DYNC1H1: variants seen among roughly 807,000 people sequenced by gnomAD.
The protein encoded by DYNC1H1 is cytoplasmic dynein 1 heavy chain 1.
DYNC1H1 carries 51 observed loss-of-function variants against 527.1 expected under a neutral mutation model. The ratio of observed to expected loss-of-function variants is 0.10; its 90% CI spans 0.08 to 0.12. The LOEUF is 0.12. Among genes scored for constraint, DYNC1H1 ranks in the 10% least tolerant of loss-of-function variants. The pLI is 1.00. For synonymous variants in DYNC1H1, 2,189 were observed against 2,278.8 expected (o/e 0.96, Z 1.12); for missense variants, 2,771 against 5,971.8 (o/e 0.46, Z 17.66).
chr14:101,994,389 A>G (rs2048033585), intron 12 of DYNC1H1, 65 bp downstream of exon 12: 2 of 1,609,920 alleles, frequency 1.2e-6, no homozygotes, highest in Non-Finnish European at 1.7e-6. Flanking sequence ...AGAGTACAAG[A>G]TATAAAGAAC....
In DYNC1H1 at chr14:102,033,478, G is replaced by A; in HGVS notation, c.10407G>A (p.Glu3469=). 2 of 1,614,060 alleles carry A rather than the reference G, an allele frequency of 1.2e-6. No individual in the cohort carries two copies. Among genetic ancestry groups the A allele is most frequent in the Non-Finnish European group, 1.7e-6 (2 of 1,180,030 alleles). ...QAIKADLAAV[E]AKVNRSTALL... is the part of the protein sequence containing the mutation. ...TCAAGGCAGACCTGGCAGCTGTCGAGGCAAAAGTAAGATTATCATCATTGA... is the reference window on the plus strand; with the variant it reads ...TCAAGGCAGACCTGGCAGCTGTCGAAGCAAAAGTAAGATTATCATCATTGA... Residue 3469 remains glutamate (E), a synonymous_variant, in exon 54 of 78, where the codon GAG becomes GAA. Coordinates refer to ENST00000360184, the MANE Select transcript of DYNC1H1 (RefSeq NM_001376.5). This position sits in a 1 kb window ranked among gnomAD's most constrained non-coding sequence, Gnocchi z 5.6.
At chr14:102,004,167 C>G (rs1436086497) in intron 23 of DYNC1H1, among the ~76,000 whole-genome samples, 1 of 151,990 alleles carries the variant, frequency 6.6e-6, no homozygotes, top group Non-Finnish European at 1.5e-5. Flanking sequence ...TGGCGTGAAC[C>G]CGGGAGGCGG....
At chr14:102,025,830 G>T (rs1315358824) in intron 43 of DYNC1H1, among the ~76,000 whole-genome samples, 1 of 152,068 alleles carries the variant, frequency 6.6e-6, no homozygotes, top group African/African-American at 2.4e-5. Flanking sequence ...TAATAGGGCA[G>T]GCCCAGGCCA....
Position 102,011,827 on chromosome 14 carries a change from C to CATT in DYNC1H1, c.6619-47_6619-45dup, listed in dbSNP as rs1567010787. On this transcript the variant is annotated intron_variant, in intron 32 of 77. Transcript: ENST00000360184. The surrounding 1 kb of genome is among the most constrained non-coding windows in gnomAD (Gnocchi z 5.3). The stretch of plus-strand genomic sequence containing the variant: ...AGGTGGCTGGGCGAGGAGCTGTCCC[C>CATT]ATTCCTCCTCTGGGATGGTCACTGT... 1.3e-6 allele frequency: 2 copies of CATT among 1,586,724 alleles called. No homozygotes were observed. The highest frequency in any genetic ancestry group is 1.7e-6 in the Non-Finnish European group (2 of 1,155,422).
chr14:102,018,463 C>A lies in DYNC1H1; in HGVS notation c.8190C>A (p.His2730Gln). 1 of 1,613,664 alleles carries A rather than the reference C, an allele frequency of 6.2e-7. No individual in the cohort carries two copies. The highest frequency in any genetic ancestry group is 8.5e-7 in the Non-Finnish European group (1 of 1,180,016). ...TATCTGTGCACAGGTTCCTGCGCCA[C>A]GTGCCTGTCGTGTATGTGGATTACC... ...RKPLSHRFLR[H>Q]VPVVYVDYPG... The change falls in exon 41 of 78, where the codon CAC becomes CAA. Residue 2730 changes from histidine (H) to glutamine (Q), a missense_variant. Transcript: ENST00000360184. This position sits in a 1 kb window ranked among gnomAD's most constrained non-coding sequence, Gnocchi z 5.2.
At chr14:101,981,541 CTG>C (rs1445035159) in intron 5 of DYNC1H1, among the ~76,000 whole-genome samples, 4 of 152,228 alleles carry the variant, frequency 2.6e-5, no homozygotes, top group Non-Finnish European at 5.9e-5. Context: ...CTGTTCAACT[CTG>C]TGCTCACAAA....
In DYNC1H1 at chr14:102,039,909, C is replaced by T. The variant is rs1029362073; in HGVS notation, c.11690+177C>T. Reference sequence around the variant, plus strand: ...CTGGAGTGCCGTGGTGTAATCTCACCTCACTGCAACCTCCACCTCCCAGGT... The same window carrying T: ...CTGGAGTGCCGTGGTGTAATCTCACTTCACTGCAACCTCCACCTCCCAGGT... On this transcript the variant is annotated intron_variant, in intron 62 of 77. Transcript: ENST00000360184. This position sits in a 1 kb window ranked among gnomAD's most constrained non-coding sequence, Gnocchi z 7.0. Among the ~76,000 whole-genome samples the T allele has an allele frequency of 1.3e-5, 2 of 152,178 alleles. No individual in the cohort carries two copies. Among genetic ancestry groups the T allele is most frequent in the Non-Finnish European group, 2.9e-5 (2 of 68,040 alleles).
rs1166442308 is a variant in DYNC1H1 at position 102,030,524 on chromosome 14, CTT to C, written c.9883+243_9883+244del. The C allele has an allele frequency of 1.5e-5, 8 of 519,796 alleles. No homozygotes were observed. The East Asian group carries it at 2.2e-4, about 14-fold the overall frequency. The allele number at this position is 519,796 out of a possible 1,614,324, so 32.2% of individuals were successfully genotyped here. A position where few individuals can be genotyped will look rare whatever the true frequency, so the allele number is the denominator to read the frequency against. ...AGTGAAACCCCTCTCATAAAAGAAA[CTT>C]CACAATATAAGCTTTGTGTCAATAT... On this transcript the variant is annotated intron_variant, in intron 51 of 77. Coordinates refer to ENST00000360184, the MANE Select transcript of DYNC1H1 (RefSeq NM_001376.5).
Position 102,047,901 on chromosome 14 carries a change from C to G in DYNC1H1, c.13091C>G (p.Thr4364Arg), listed in dbSNP as rs750890352. The G allele has an allele frequency of 1.2e-6, 2 of 1,613,694 alleles. No homozygotes were observed. Among genetic ancestry groups the G allele is most frequent in the Non-Finnish European group, 1.7e-6 (2 of 1,179,994 alleles). Residue 4364 changes from threonine (T) to arginine (R), a missense_variant, in exon 73 of 78, where the codon ACG becomes AGG. Physicochemically the swap from Thr to Arg is moderately conservative, Grantham distance 71. Coordinates refer to ENST00000360184, the MANE Select transcript of DYNC1H1 (RefSeq NM_001376.5). ...GCCTACGCAGAGACTGAGAAGAAGA[C>G]GAGGACAGACTCCACGTCCGACGGG... is the stretch of plus-strand genomic sequence containing the variant. ...DLAYAETEKKTRTDSTSDGRP... is the reference protein window; with the variant it reads ...DLAYAETEKKRRTDSTSDGRP...
Position 102,040,232 on chromosome 14 carries a change from G to T in DYNC1H1, c.11691-4G>T, listed in dbSNP as rs201810550. 8.5e-5 allele frequency: 137 copies of T among 1,614,068 alleles called. No homozygotes were observed. In the East Asian group the frequency reaches 2.5e-3, roughly 30 times the overall value. ...CCCTAGCTAACCTGTTGCACCCTTCGCAGGGAGCCCACCTACGATGCAGAA... is the reference window on the plus strand; with the variant it reads ...CCCTAGCTAACCTGTTGCACCCTTCTCAGGGAGCCCACCTACGATGCAGAA... On this transcript the variant is annotated splice_polypyrimidine_tract_variant and splice_region_variant and intron_variant, in intron 62 of 77. Coordinates refer to ENST00000360184, the MANE Select transcript of DYNC1H1 (RefSeq NM_001376.5).
rs187344035 is a variant in DYNC1H1 at position 102,054,425 on chromosome 14, C to T, written c.*3862C>T. The T allele has an allele frequency of 6.6e-6, 1 of 152,314 alleles. No homozygotes were observed. Among genetic ancestry groups the T allele is most frequent in the Non-Finnish European group, 1.5e-5 (1 of 68,040 alleles). The allele number at this position is 152,314 out of a possible 1,614,324, so 9.4% of individuals were successfully genotyped here. A position where few individuals can be genotyped will look rare whatever the true frequency, so the allele number is the denominator to read the frequency against. On this transcript the variant is annotated 3_prime_UTR_variant, in exon 78 of 78. Coordinates refer to ENST00000360184, the MANE Select transcript of DYNC1H1 (RefSeq NM_001376.5). ...CTGAAATGGGCGTTTAAGTCCGAAC[C>T]TTGTTTTCAAAGGTGCCCATTGCCT...
In DYNC1H1 at chr14:102,042,540, C is replaced by G. The variant is rs1359318321; in HGVS notation, c.12399+33C>G. On this transcript the variant is annotated intron_variant, in intron 68 of 77. Transcript: ENST00000360184. The surrounding 1 kb of genome is among the most constrained non-coding windows in gnomAD (Gnocchi z 5.7). ...GTTGAAGGAGTGGAGACGTTGCAGG[C>G]TGGCCTGGCACTGTGCTGTCGGCAC... The G allele has an allele frequency of 1.2e-6, 2 of 1,613,970 alleles. No homozygotes were observed. The highest frequency in any genetic ancestry group is 1.7e-6 in the Non-Finnish European group (2 of 1,179,954).
chr14:101,968,746 G>C (rs1267392534), intron 1 of DYNC1H1, among the ~76,000 whole-genome samples: 1 of 152,020 alleles, frequency 6.6e-6, no homozygotes, highest in Admixed American at 6.6e-5. Flanking sequence ...ATTTTTTGTA[G>C]AGGCAGGGTC....
Position 101,964,907 on chromosome 14 carries a change from G to A in DYNC1H1, c.216G>A (p.Pro72=), listed in dbSNP as rs763640517. The change falls in exon 1 of 78, where the codon CCG becomes CCA. Residue 72 remains proline (P), a synonymous_variant. Transcript: ENST00000360184. This position sits in a 1 kb window ranked among gnomAD's most constrained non-coding sequence, Gnocchi z 5.5. Reference sequence around the variant, plus strand: ...AGATGCGCAAGTTCCTTTCGGACCCGCAGGTCCACACGGTGCTGGTGGAGC... The same window carrying A: ...AGATGCGCAAGTTCCTTTCGGACCCACAGGTCCACACGGTGCTGGTGGAGC... The part of the protein sequence containing the change: ...LEQMRKFLSD[P]QVHTVLVERS... 1.3e-6 allele frequency: 2 copies of A among 1,599,872 alleles called. No homozygotes were observed. The highest frequency in any genetic ancestry group is 1.7e-6 in the Non-Finnish European group (2 of 1,174,412).
Position 102,039,562 on chromosome 14 carries a change from C to T in DYNC1H1, c.11595+16C>T, listed in dbSNP as rs929463651. On this transcript the variant is annotated intron_variant, in intron 61 of 77. Transcript: ENST00000360184. This position sits in a 1 kb window ranked among gnomAD's most constrained non-coding sequence, Gnocchi z 7.0. ...CCTCTTCCAGGTAGAGTGAGGTCCT[C>T]AGCCGCTCCCTGGCGGGGGGGAAGC... 3 of 1,614,260 alleles carry T rather than the reference C, an allele frequency of 1.9e-6. No homozygotes were observed. Among genetic ancestry groups the T allele is most frequent in the Non-Finnish European group, 1.7e-6 (2 of 1,180,044 alleles).
chr14:102,041,662 A>G lies in DYNC1H1; in HGVS notation c.12030A>G (p.Ser4010=), dbSNP rs1277528255. Residue 4010 remains serine (S), a synonymous_variant, in exon 65 of 78, where the codon TCA becomes TCG. Transcript: ENST00000360184. The surrounding 1 kb of genome is among the most constrained non-coding windows in gnomAD (Gnocchi z 4.5). ...TGGCCATGGCCCACATGTTTGTTTC[A>G]ACAAACCTTGGGGAGTCTTTCATGT... The part of the protein sequence containing the change: ...RLLAMAHMFV[S]TNLGESFMSI... The G allele has an allele frequency of 1.2e-6, 2 of 1,614,058 alleles. No individual in the cohort carries two copies.
chr14:101,975,016 C>T (rs1378720885), intron 1 of DYNC1H1, among the ~76,000 whole-genome samples: 1 of 152,208 alleles, frequency 6.6e-6, no homozygotes, highest in African/African-American at 2.4e-5. Context: ...CTCAGTGACC[C>T]TTGGGATGTT....
rs1253370997 is a variant in DYNC1H1 at position 102,044,150 on chromosome 14, C to G, written c.12684+105C>G. Reference sequence around the variant, plus strand: ...ACTCTGCGTGGAAGAGCGAGCTGACCCCTCGTGACCGCCAAAGCCTAGCTG... The same window carrying G: ...ACTCTGCGTGGAAGAGCGAGCTGACGCCTCGTGACCGCCAAAGCCTAGCTG... On this transcript the variant is annotated intron_variant, in intron 70 of 77. Transcript: ENST00000360184. This position sits in a 1 kb window ranked among gnomAD's most constrained non-coding sequence, Gnocchi z 7.1. The G allele has an allele frequency of 6.3e-6, 10 of 1,581,640 alleles. No individual in the cohort carries two copies. The East Asian group carries it at 1.8e-4, about 29-fold the overall frequency.
chr14:102,043,578 CGTTCTGTCAATTCT>C, intron 69 of DYNC1H1: 1 of 432,760 alleles, frequency 2.3e-6, no homozygotes. Context: ...GCAGGGGTTT[CGTTCTGTCAATTCT>C]GTTCTATTTT....
Sources: gnomAD v4.1 joint callset for allele counts (sites outside exome capture counted in the v4.1 genomes callset) on GRCh38, gnomAD v4.1.1 for gene constraint, Gnocchi (gnomAD v3.1) non-coding constraint, MANE v1.5 for transcripts, NCBI Gene and HGNC (gene_info 2026-07-23, HGNC 2026-07-21) for gene names.